BTBD8: variants seen among roughly 807,000 people sequenced by gnomAD.
BTBD8 encodes the protein BTB/POZ domain-containing protein 8.
BTBD8 carries 110 observed loss-of-function variants against 162.9 expected under a neutral mutation model. The observed-to-expected ratio is 0.68, with a 90% CI of 0.58 to 0.79. BTBD8 has a LOEUF of 0.79. Ranked by LOEUF, BTBD8 falls within the 30% of genes least tolerant of loss-of-function variation. The pLI is 0.00. For missense variants in BTBD8, 1,905 were observed against 2,085.4 expected (o/e 0.91, Z 1.68); for synonymous variants, 667 against 716.1 (o/e 0.93, Z 1.10).
chr1:92,163,629 A>G (rs1650318662), intron 9 of BTBD8, among the ~76,000 whole-genome samples: 1 of 151,876 alleles, frequency 6.6e-6, no homozygotes, highest in Non-Finnish European at 1.5e-5. Flanking sequence ...TGAAGAGCGA[A>G]AGGACAAAGC....
chr1:92,098,155 G>A (rs1648501757), intron 2 of BTBD8, among the ~76,000 whole-genome samples: 1 of 152,160 alleles, frequency 6.6e-6, no homozygotes, highest in Admixed American at 6.5e-5. Flanking sequence ...GACATAGTGA[G>A]CCACCTTTAC....
chr1:92,115,629 A>G, intron 4 of BTBD8: 1 of 388,342 alleles, frequency 2.6e-6, no homozygotes, highest in Non-Finnish European at 5.0e-6. Flanking sequence ...AGCCTTGACG[A>G]TGCCGTGGAA....
At chr1:92,087,371 A>C (rs377379752) in intron 1 of BTBD8, among the ~76,000 whole-genome samples, 4 of 152,288 alleles carry the variant, frequency 2.6e-5, no homozygotes, top group African/African-American at 9.6e-5. Flanking sequence ...ATTTCAATTA[A>C]AGTTTGAGAG....
chr1:92,113,503 T>A (rs1570725303), intron 4 of BTBD8, among the ~76,000 whole-genome samples: 1 of 151,834 alleles, frequency 6.6e-6, no homozygotes, highest in East Asian at 1.9e-4. Flanking sequence ...TGCAGTGGAG[T>A]TCCAAGAAAA....
At chr1:92,110,784 C>T (rs1437836281) in intron 4 of BTBD8, among the ~76,000 whole-genome samples, 1 of 152,066 alleles carries the variant, frequency 6.6e-6, no homozygotes, top group Non-Finnish European at 1.5e-5. Flanking sequence ...ACCTTGTGAT[C>T]CGCCCACCTC....
intron 9 of BTBD8, among the ~76,000 whole-genome samples, chr1:92,157,139 C>G (rs547825871): frequency 6.6e-6 from 1 of 152,074 alleles, no homozygotes; most frequent in South Asian, 2.1e-4. Context: ...TTGTTTGTTT[C>G]AAGATACCTT....
intron 10 of BTBD8, among the ~76,000 whole-genome samples, chr1:92,167,558 G>A (rs1195871147): frequency 1.3e-5 from 2 of 152,086 alleles, no homozygotes; most frequent in Non-Finnish European, 2.9e-5. Context: ...CTGTATTTAG[G>A]GCTATGTTGG....
At chr1:92,110,553 A>G (rs1311315517) in intron 4 of BTBD8, among the ~76,000 whole-genome samples, 1 of 152,116 alleles carries the variant, frequency 6.6e-6, no homozygotes, top group Non-Finnish European at 1.5e-5. Flanking sequence ...GGACCTCTGT[A>G]ACATTATCTT....
chr1:92,082,521 T>C (rs1648045073), intron 1 of BTBD8, among the ~76,000 whole-genome samples: 1 of 151,992 alleles, frequency 6.6e-6, no homozygotes, highest in Non-Finnish European at 1.5e-5. Context: ...TAGGGATTGG[T>C]TAAGAATTGA....
intron 4 of BTBD8, among the ~76,000 whole-genome samples, chr1:92,119,311 G>A (rs1237396475): frequency 1.4e-5 from 2 of 144,858 alleles, no homozygotes; most frequent in Admixed American, 1.4e-4. Context: ...TTTGAGACAG[G>A]GTCTTGCTCT....
At chr1:92,125,269 A>G (rs10875209) in intron 4 of BTBD8, 101,966 of 162,654 alleles carry the variant, frequency 0.63, 32,567 homozygotes, top group East Asian at 0.97. Flanking sequence ...GAAAGAATAG[A>G]GGGGACCTGA....
Position 92,180,437 on chromosome 1 carries a change from A to G in BTBD8, c.2754A>G (p.Ala918=), listed in dbSNP as rs1650849194. The change falls in exon 17 of 18, where the codon GCA becomes GCG. Residue 918 remains alanine, a synonymous_variant. Coordinates refer to ENST00000636805, the MANE Select transcript of BTBD8 (RefSeq NM_001376131.1). ...CTAAGGTTAATGCAAAAATAGTGGC[A>G]ATGCCTAAAAATCTAAATCAGTCAA... The part of the protein sequence containing the change: ...ALPKVNAKIV[A]MPKNLNQSKK... The G allele has an allele frequency of 6.4e-7, 1 of 1,551,200 alleles. No homozygotes were observed. The highest frequency in any genetic ancestry group is 2.0e-5 in the Admixed American group (1 of 50,940).
intron 2 of BTBD8, among the ~76,000 whole-genome samples, chr1:92,097,822 A>G (rs1648492884): frequency 1.3e-5 from 2 of 152,210 alleles, no homozygotes; most frequent in South Asian, 4.1e-4. Flanking sequence ...CTCAGCATAT[A>G]GTCATACTAA....
chr1:92,183,403 T>C (rs1000970911), intron 17 of BTBD8, among the ~76,000 whole-genome samples: 3 of 152,226 alleles, frequency 2.0e-5, no homozygotes, highest in African/African-American at 7.2e-5. Context: ...TTCGTTTGTT[T>C]GTCCTTGCTT....
chr1:92,113,366 A>G, intron 4 of BTBD8, among the ~76,000 whole-genome samples: 1 of 152,252 alleles, frequency 6.6e-6, no homozygotes, highest in East Asian at 1.9e-4. Flanking sequence ...CAAGAAATGT[A>G]TTAGGCTAAA....
In BTBD8 at chr1:92,167,871, C is replaced by T. The variant is rs140755967; in HGVS notation, c.1329C>T (p.Ala443=). 4.5e-6 allele frequency: 7 copies of T among 1,550,328 alleles called. No homozygotes were observed. The highest frequency in any genetic ancestry group is 4.1e-5 in the African/African-American group (3 of 73,118). ...AGTCACAAGCAATGAGCAGCACAGC[C>T]GATCTGTTGGACACAATTTTAAAAG... ...LLQSQAMSST[A]DLLDTILKAI... The change falls in exon 11 of 18, where the codon GCC becomes GCT. Residue 443 remains alanine (A), a synonymous_variant. Coordinates refer to ENST00000636805, the MANE Select transcript of BTBD8 (RefSeq NM_001376131.1).
rs935357789 is a variant in BTBD8, at chr1:92,143,969, C to CTTT, written c.930+2777_930+2779dup. On this transcript the variant is annotated intron_variant, in intron 7 of 17. Transcript: ENST00000636805. ...TATATATAATTTTGAACTTTTAGTT[C>CTTT]TTTTTTTTTTTTTTTTTTTTTGAGT... is the stretch of plus-strand genomic sequence containing the variant. Among the ~76,000 whole-genome samples the CTTT allele has an allele frequency of 2.1e-3, 219 of 103,192 alleles. 1 individual carries two copies. The highest frequency in any genetic ancestry group is 2.8e-3 in the Non-Finnish European group (140 of 49,892). The allele number at this position is 103,192 out of a possible 152,430, so 67.7% of individuals were successfully genotyped here. A position where few individuals can be genotyped will look rare whatever the true frequency, so the allele number is the denominator to read the frequency against.
intron 9 of BTBD8, among the ~76,000 whole-genome samples, chr1:92,160,597 C>G (rs974421715): frequency 2.0e-5 from 3 of 152,030 alleles, no homozygotes; most frequent in Non-Finnish European, 4.4e-5. Flanking sequence ...TATCCTGGGT[C>G]CTATCAGTGC....
In BTBD8 at chr1:92,107,986, G is replaced by GTT. The variant is rs756497617; in HGVS notation, c.650_651dup (p.Lys218LeufsTer8). Reference sequence around the variant, plus strand: ...ATTGATATTTTTGTTGATGGAAAACGTTTTAAAGCTCACAGGTAAATAGAC... The same window carrying GTT: ...ATTGATATTTTTGTTGATGGAAAACGTTTTTTAAAGCTCACAGGTAAATAGAC... On this transcript the variant is annotated frameshift_variant, in exon 4 of 18. Coordinates refer to ENST00000636805, the MANE Select transcript of BTBD8 (RefSeq NM_001376131.1). LOFTEE classifies it high-confidence loss of function. 4 of 1,613,054 alleles carry GTT rather than the reference G, an allele frequency of 2.5e-6. No individual in the cohort carries two copies. The highest frequency in any genetic ancestry group is 3.4e-6 in the Non-Finnish European group (4 of 1,179,150).
Sources: allele counts gnomAD v4.1 joint callset (sites outside exome capture counted in the v4.1 genomes callset), GRCh38; gene constraint gnomAD v4.1.1; transcripts MANE v1.5; gene names NCBI Gene and HGNC (gene_info 2026-07-23, HGNC 2026-07-21).